Variants in CDH4 observed in about 807,000 individuals in gnomAD.
CDH4 encodes cadherin 4.
A neutral mutation model predicts 86.0 loss-of-function variants in CDH4; 33 were observed. The observed-to-expected ratio is 0.38, with a 90% CI of 0.29 to 0.51. The LOEUF is 0.51. Among genes scored for constraint, CDH4 ranks in the 20% least tolerant of loss-of-function variants. The pLI is 0.86. For missense variants in CDH4, 1,114 were observed against 1,307.4 expected, an observed-to-expected ratio of 0.85 and a Z score of 2.28; for synonymous variants, 555 against 549.4, an observed-to-expected ratio of 1.01 and a Z score of -0.14.
intron 3 of CDH4, among the ~76,000 whole-genome samples, chr20:61,746,915 C>T (rs1255818082): frequency 2.6e-5 from 4 of 152,176 alleles, no homozygotes; most frequent in African/African-American, 4.8e-5. Context: ...GTTGATGCGC[C>T]CTTACAGAGC....
At chr20:61,566,976 G>A (rs1040958306) in intron 2 of CDH4, among the ~76,000 whole-genome samples, 42 of 152,106 alleles carry the variant, frequency 2.8e-4, no homozygotes, top group African/African-American at 5.3e-4. Context: ...TGCCTGCCTC[G>A]GGGGAGCTGA....
At chr20:61,256,423 C>T (rs188504059) in intron 2 of CDH4, among the ~76,000 whole-genome samples, 2 of 152,300 alleles carry the variant, frequency 1.3e-5, no homozygotes, top group Admixed American at 1.3e-4. Flanking sequence ...ATGACAAATT[C>T]TCATGCTTTC....
At chr20:61,885,945 T>C (rs958115355) in intron 7 of CDH4, among the ~76,000 whole-genome samples, 1 of 152,202 alleles carries the variant, frequency 6.6e-6, no homozygotes, top group Admixed American at 6.5e-5. Flanking sequence ...GGAACAGCGC[T>C]GACCTGAGAG....
chr20:61,442,549 G>A (rs2085320071), intron 2 of CDH4, among the ~76,000 whole-genome samples: 1 of 152,158 alleles, frequency 6.6e-6, no homozygotes, highest in Admixed American at 6.5e-5. Context: ...TCCAGCCTTC[G>A]CTTTGGGGTT....
At chr20:61,694,618 G>A (rs2087696751) in intron 2 of CDH4, among the ~76,000 whole-genome samples, 1 of 152,204 alleles carries the variant, frequency 6.6e-6, no homozygotes, top group African/African-American at 2.4e-5. Flanking sequence ...CTGAACTGGG[G>A]TTCTGGGATA....
chr20:61,280,445 T>C (rs1295984723), intron 2 of CDH4, among the ~76,000 whole-genome samples: 1 of 152,132 alleles, frequency 6.6e-6, no homozygotes, highest in Non-Finnish European at 1.5e-5. Context: ...ACACAGCCCC[T>C]GCCTTGGAAG....
chr20:61,430,127 C>T (rs2085238300), intron 2 of CDH4, among the ~76,000 whole-genome samples: 2 of 152,224 alleles, frequency 1.3e-5, no homozygotes, highest in African/African-American at 4.8e-5. Flanking sequence ...TGGACCACAA[C>T]AGAGAGGCAA....
chr20:61,919,364 G>A lies in CDH4; in HGVS notation c.1375-4087G>A, dbSNP rs115424573. Among the ~76,000 whole-genome samples the A allele has an allele frequency of 8.5e-3, 1,301 of 152,310 alleles. 13 individuals are homozygous for A. Among genetic ancestry groups the A allele is most frequent in the African/African-American group, 0.026 (1,098 of 41,562 alleles). ...GTTCAGACTCAGGTGCTTCACTGCC[G>A]GCCCCAAGCATGGGGAGTGGGGTTC... On this transcript the variant is annotated intron_variant, in intron 9 of 15. Coordinates refer to ENST00000614565, the MANE Select transcript of CDH4 (RefSeq NM_001794.5).
chr20:61,639,698 TCTC>T (rs1400527263), intron 2 of CDH4, among the ~76,000 whole-genome samples: 3 of 152,024 alleles, frequency 2.0e-5, no homozygotes, highest in Non-Finnish European at 4.4e-5. Context: ...CTAACCTGGG[TCTC>T]CTCTGGCTAT....
At chr20:61,828,835 T>C (rs1981449098) in intron 4 of CDH4, among the ~76,000 whole-genome samples, 1 of 152,240 alleles carries the variant, frequency 6.6e-6, no homozygotes, top group African/African-American at 2.4e-5. Context: ...CCTAACCTTT[T>C]TGGCACCAGA....
At chr20:61,262,693 C>A (rs773310549) in intron 2 of CDH4, among the ~76,000 whole-genome samples, 11 of 151,960 alleles carry the variant, frequency 7.2e-5, no homozygotes, top group Non-Finnish European at 1.2e-4. Flanking sequence ...AATTTTGTGA[C>A]TTCTCTTATG....
Position 61,822,314 on chromosome 20 carries a change from C to T in CDH4, c.577-22354C>T, listed in dbSNP as rs145987564. ...TTGTCTTGTGGGTGAGTATGATTAT[C>T]GCACCTCTGATGAGAGCAATAATGT... On this transcript the variant is annotated intron_variant, in intron 4 of 15. Coordinates refer to ENST00000614565, the MANE Select transcript of CDH4 (RefSeq NM_001794.5). 6.0e-3 allele frequency among the ~76,000 whole-genome samples: 916 copies of T among 152,240 alleles called. 5 individuals carry two copies. Among genetic ancestry groups the T allele is most frequent in the South Asian group, 0.015 (71 of 4,820 alleles).
At chr20:61,435,108 C>T (rs567492075) in intron 2 of CDH4, among the ~76,000 whole-genome samples, 28 of 152,214 alleles carry the variant, frequency 1.8e-4, no homozygotes, top group African/African-American at 6.0e-4. Flanking sequence ...TTGCTGAAGC[C>T]GGATTGTGAG....
At position 61,582,678 on chromosome 20, in the gene CDH4, T is replaced by C. The variant is rs1394622087; in HGVS notation, c.170-160885T>C. ...CCCTGCACCTGTCAGGAGCCTGTCT[T>C]CTGAGGCTGGGGACACAAGCCAGCC... On this transcript the variant is annotated intron_variant, in intron 2 of 15. Transcript: ENST00000614565. This position sits in a 1 kb window ranked among gnomAD's most constrained non-coding sequence, Gnocchi z 4.2. Among the ~76,000 whole-genome samples the C allele has an allele frequency of 6.6e-6, 1 of 152,184 alleles. No homozygotes were observed. Among genetic ancestry groups the C allele is most frequent in the Non-Finnish European group, 1.5e-5 (1 of 68,028 alleles).
chr20:61,304,858 T>G (rs2084407756), intron 2 of CDH4, among the ~76,000 whole-genome samples: 1 of 151,036 alleles, frequency 6.6e-6, no homozygotes, highest in African/African-American at 2.4e-5. Context: ...AGCACGTGTA[T>G]TGTGTGTGTG....
At chr20:61,642,569 G>A (rs2087021656) in intron 2 of CDH4, among the ~76,000 whole-genome samples, 1 of 152,242 alleles carries the variant, frequency 6.6e-6, no homozygotes, top group South Asian at 2.1e-4. Context: ...TGAAGCACAG[G>A]CAGACACGAA....
intron 4 of CDH4, among the ~76,000 whole-genome samples, chr20:61,796,181 G>T (rs1221274310): frequency 1.3e-5 from 2 of 152,180 alleles, no homozygotes; most frequent in Non-Finnish European, 2.9e-5. Context: ...GTGAGGCGAG[G>T]AGTGTTATCA....
intron 2 of CDH4, among the ~76,000 whole-genome samples, chr20:61,743,002 TTAA>T (rs1268890802): frequency 1.3e-5 from 2 of 152,168 alleles, no homozygotes; most frequent in Non-Finnish European, 2.9e-5. Flanking sequence ...CAGGTCTGGC[TTAA>T]TAATAAAAAG....
chr20:61,733,402 G>T (rs906989198), intron 2 of CDH4, among the ~76,000 whole-genome samples: 1 of 152,064 alleles, frequency 6.6e-6, no homozygotes, highest in Admixed American at 6.5e-5. Flanking sequence ...TGCTGTTCCC[G>T]CATCAAAGCA....
Sources: allele counts gnomAD v4.1 joint callset (sites outside exome capture counted in the v4.1 genomes callset), GRCh38; gene constraint gnomAD v4.1.1; non-coding constraint Gnocchi (gnomAD v3.1); transcripts MANE v1.5; gene names NCBI Gene and HGNC (gene_info 2026-07-23, HGNC 2026-07-21).